Variants in TENM4 observed in about 807,000 individuals in gnomAD.
The protein encoded by TENM4 is teneurin-4.
TENM4 carries 82 observed loss-of-function variants against 243.3 expected under a neutral mutation model. The ratio of observed to expected loss-of-function variants is 0.34; its 90% CI spans 0.28 to 0.40. The LOEUF is 0.40. TENM4 is among the 10% of genes least tolerant of loss of function. The probability of loss-of-function intolerance (pLI) is 1.00; values close to 1 mark genes in which losing one functional copy is unlikely to be tolerated. For synonymous variants in TENM4, 1,412 were observed against 1,456.3 expected (o/e 0.97, Z 0.69); for missense variants, 3,138 against 3,673.3 (o/e 0.85, Z 3.77).
chr11:78,890,050 A>G (rs2136293567), intron 8 of TENM4, 30 bp from the exon 9 acceptor site: 1 of 1,502,936 alleles, frequency 6.7e-7, no homozygotes, highest in Middle Eastern at 1.8e-4. Context: ...AGAGGGTGTC[A>G]GGGGCTGCCC....
intron 6 of TENM4, among the ~76,000 whole-genome samples, chr11:78,994,130 C>G (rs1252990794): frequency 6.6e-6 from 1 of 152,178 alleles, no homozygotes; most frequent in African/African-American, 2.4e-5. Context: ...TGGCCTTTCT[C>G]CAGTGTGTAG....
chr11:78,990,955 C>T (rs887913822), intron 6 of TENM4, among the ~76,000 whole-genome samples: 4 of 152,160 alleles, frequency 2.6e-5, no homozygotes, highest in African/African-American at 9.7e-5. Context: ...TAATGTTCTG[C>T]ATCTGAATAC....
At chr11:78,709,879 A>G (rs1383446249) in intron 26 of TENM4, among the ~76,000 whole-genome samples, 3 of 152,224 alleles carry the variant, frequency 2.0e-5, no homozygotes, top group Admixed American at 1.3e-4. Flanking sequence ...GGGTGATAGT[A>G]ATTTCCATCC....
intron 30 of TENM4, among the ~76,000 whole-genome samples, chr11:78,673,906 T>C (rs750491795): frequency 1.3e-5 from 2 of 152,194 alleles, no homozygotes; most frequent in Non-Finnish European, 2.9e-5. Context: ...TCAAACACAA[T>C]TGCAGATGCA....
intron 2 of TENM4, among the ~76,000 whole-genome samples, chr11:79,259,499 A>G (rs1203057400): frequency 6.8e-6 from 1 of 147,896 alleles, no homozygotes; most frequent in East Asian, 2.0e-4. Context: ...CCATCTATCC[A>G]TGCATCCATC....
intron 13 of TENM4, among the ~76,000 whole-genome samples, chr11:78,812,937 A>G (rs1198786007): frequency 3.9e-5 from 6 of 152,230 alleles, no homozygotes; most frequent in Non-Finnish European, 4.4e-5. Context: ...ATATAAAAAT[A>G]AATTATACTG....
Position 78,814,282 on chromosome 11 carries a change from C to T in TENM4, c.1783+12G>A, listed in dbSNP as rs926622747. ...GAAGCAGAAATCCAGAGCTCCAATG[C>T]AGAGTTCTCACCTCTGCCACAGTCG... On this transcript the variant is annotated intron_variant, in intron 13 of 33. Coordinates refer to ENST00000278550, the MANE Select transcript of TENM4 (RefSeq NM_001098816.3). The T allele has an allele frequency of 2.6e-6, 4 of 1,548,874 alleles. No homozygotes were observed. The highest frequency in any genetic ancestry group is 3.5e-6 in the Non-Finnish European group (4 of 1,145,698).
chr11:79,373,902 C>T (rs1386018591), intron 1 of TENM4, among the ~76,000 whole-genome samples: 1 of 152,094 alleles, frequency 6.6e-6, no homozygotes, highest in African/African-American at 2.4e-5. Flanking sequence ...CTAGAGATTA[C>T]TTTCATTTTC....
At chr11:79,033,318 T>G (rs995415907) in intron 6 of TENM4, among the ~76,000 whole-genome samples, 19 of 152,256 alleles carry the variant, frequency 1.2e-4, no homozygotes, top group Admixed American at 4.6e-4. Context: ...GGGGAAAATG[T>G]GCACACCAGA....
At chr11:79,015,374 G>A (rs1489452964) in intron 6 of TENM4, among the ~76,000 whole-genome samples, 1 of 152,104 alleles carries the variant, frequency 6.6e-6, no homozygotes, top group Non-Finnish European at 1.5e-5. Context: ...TGCCTCCTTA[G>A]GTACGAGGAA....
chr11:79,410,328 T>A (rs1250153609), intron 1 of TENM4, among the ~76,000 whole-genome samples: 1 of 152,208 alleles, frequency 6.6e-6, no homozygotes, highest in East Asian at 1.9e-4. Context: ...CAGTGCTCCA[T>A]CATACCACAC....
chr11:78,939,739 A>G (rs1406308932), intron 6 of TENM4, among the ~76,000 whole-genome samples: 2 of 152,210 alleles, frequency 1.3e-5, no homozygotes, highest in African/African-American at 2.4e-5. Flanking sequence ...AATCCATAGC[A>G]CTTAACAAAT....
intron 15 of TENM4, among the ~76,000 whole-genome samples, chr11:78,800,075 A>C (rs1857250679): frequency 6.6e-6 from 1 of 152,214 alleles, no homozygotes; most frequent in Non-Finnish European, 1.5e-5. Context: ...AGAGGCTAAA[A>C]TCTTTAGAAG....
At chr11:79,213,109 G>T (rs1250990900) in intron 3 of TENM4, among the ~76,000 whole-genome samples, 6 of 152,168 alleles carry the variant, frequency 3.9e-5, no homozygotes, top group South Asian at 2.1e-4. Flanking sequence ...TCACCCTCCT[G>T]GGCAGGCAGA....
At chr11:79,061,814 G>GA (rs1860095981) in intron 6 of TENM4, among the ~76,000 whole-genome samples, 1 of 152,140 alleles carries the variant, frequency 6.6e-6, no homozygotes, top group Non-Finnish European at 1.5e-5. Context: ...TGTGACCTAT[G>GA]CAGATTTCTT....
At chr11:79,250,716 A>G (rs1424285905) in intron 2 of TENM4, among the ~76,000 whole-genome samples, 1 of 152,260 alleles carries the variant, frequency 6.6e-6, no homozygotes, top group Non-Finnish European at 1.5e-5. Context: ...CCATGCTTCT[A>G]GTTAAAAATT....
At chr11:79,309,681 T>C (rs1010117036) in intron 1 of TENM4, among the ~76,000 whole-genome samples, 7 of 152,176 alleles carry the variant, frequency 4.6e-5, no homozygotes, top group Non-Finnish European at 7.4e-5. Flanking sequence ...CTGTGAGCCA[T>C]AGACTTAGAG....
chr11:79,158,802 A>G (rs1010434387), intron 3 of TENM4, among the ~76,000 whole-genome samples: 1 of 152,130 alleles, frequency 6.6e-6, no homozygotes, highest in African/African-American at 2.4e-5. Flanking sequence ...GGATTCACCA[A>G]TTCTCTGACT....
chr11:79,051,003 C>T (rs980442126), intron 6 of TENM4, among the ~76,000 whole-genome samples: 2 of 152,176 alleles, frequency 1.3e-5, no homozygotes, highest in Non-Finnish European at 2.9e-5. Flanking sequence ...TCAGATAGAC[C>T]TGGGGTTGAA....
Sources: gnomAD v4.1 joint callset for allele counts (sites outside exome capture counted in the v4.1 genomes callset) on GRCh38, gnomAD v4.1.1 for gene constraint, MANE v1.5 for transcripts, NCBI Gene and HGNC (gene_info 2026-07-23, HGNC 2026-07-21) for gene names.